MORN1: variants seen among roughly 807,000 people sequenced by gnomAD.
The protein encoded by MORN1 is MORN repeat containing 1.
Under a neutral mutation model 61.9 loss-of-function variants are expected in MORN1, and 67 were observed. That is an observed-to-expected ratio of 1.08 (90% CI 0.89 to 1.33). The LOEUF (loss-of-function observed/expected upper bound fraction) is 1.33, where lower values mean the gene tolerates loss of function less well. Among genes scored for constraint, MORN1 ranks in the 40% most tolerant of loss-of-function variants. The pLI is 0.00. For missense variants in MORN1, 752 were observed against 691.2 expected (o/e 1.09, Z -0.99); for synonymous variants, 301 against 292.0 (o/e 1.03, Z -0.31).
intron 6 of MORN1, chr1:2,378,755 T>C: frequency 2.8e-6 from 1 of 361,028 alleles, no homozygotes; most frequent in South Asian, 2.1e-5. Flanking sequence ...CTGGAGGACG[T>C]GTGGGGCCTG....
Position 2,387,529 on chromosome 1 carries a change from C to A in MORN1, c.248G>T (p.Gly83Val), listed in dbSNP as rs1427474760. Residue 83 changes from glycine (G) to valine (V), a missense_variant and splice_region_variant, in exon 4 of 14, where the codon GGA (glycine) becomes GTA (valine). By Grantham distance (109) the Gly-to-Val change is moderately radical. Coordinates refer to ENST00000378531, the MANE Select transcript of MORN1 (RefSeq NM_024848.3). ...AACAAACTGTCCAGAGAAGGTGTCT[C>A]CTGCATGTGGACAAGGAGGAGGGGA... ...GEGRRHWAWS[G>V]DTFSGQFVLG... is the part of the protein sequence containing the mutation. 1.2e-6 allele frequency: 2 copies of A among 1,608,094 alleles called. No homozygotes were observed. The highest frequency in any genetic ancestry group is 3.3e-5 in the Admixed American group (2 of 60,010).
chr1:2,330,524 C>A (rs990512997), intron 12 of MORN1, among the ~76,000 whole-genome samples: 1 of 152,150 alleles, frequency 6.6e-6, no homozygotes, highest in Non-Finnish European at 1.5e-5. Context: ...GGCGACAGAG[C>A]CAGGAAGGGG....
intron 8 of MORN1, among the ~76,000 whole-genome samples, chr1:2,370,432 A>G (rs1642090129): frequency 6.6e-6 from 1 of 152,204 alleles, no homozygotes; most frequent in African/African-American, 2.4e-5. Context: ...GGGTTAGGCA[A>G]AGAATTCTTA....
intron 1 of MORN1, 66 bp downstream of exon 1, chr1:2,391,392 G>C: frequency 8.0e-7 from 1 of 1,247,474 alleles, no homozygotes; most frequent in Non-Finnish European, 1.0e-6. Flanking sequence ...CGAGGGCGTA[G>C]AGCGATCGCA....
At chr1:2,336,606 G>C (rs1450277562) in intron 11 of MORN1, 58 bp from the exon 12 acceptor site, 2 of 1,601,576 alleles carry the variant, frequency 1.2e-6, no homozygotes, top group African/African-American at 2.7e-5. Flanking sequence ...GGGCCTAGGA[G>C]CTCTGCTCCA....
intron 12 of MORN1, chr1:2,332,757 G>A (rs1230966773): frequency 2.2e-6 from 1 of 456,450 alleles, no homozygotes; most frequent in Non-Finnish European, 4.4e-6. Context: ...TGGGATCCTG[G>A]GAGGGGTGAA....
chr1:2,380,068 G>T (rs1642336645), intron 6 of MORN1, among the ~76,000 whole-genome samples: 1 of 152,208 alleles, frequency 6.6e-6, no homozygotes, highest in Admixed American at 6.5e-5. Flanking sequence ...CCTTAGCAAG[G>T]AAGGAGGAGC....
chr1:2,324,000 G>C, intron 13 of MORN1, 97 bp downstream of exon 13: 1 of 1,475,690 alleles, frequency 6.8e-7, no homozygotes, highest in South Asian at 1.3e-5. Context: ...GGGGCCCCGG[G>C]CCGAGTTCCC....
rs1416542562 is a variant in MORN1, at chr1:2,357,445, A to T, written c.1023T>A (p.Pro341=). The T allele has an allele frequency of 3.7e-6, 6 of 1,606,028 alleles. No individual in the cohort carries two copies. In the Admixed American group the frequency reaches 1.0e-4, roughly 27 times the overall value. ...LGALHGQEDT[P]GGLLARGHAP... is the part of the protein sequence containing the mutation. ...AGCTCCACTTACCAAGCAGGCCACC[A>T]GGGGTGTCCTCCTGGCCATGGAGGG... The change falls in exon 10 of 14, where the codon CCT becomes CCA. Residue 341 remains proline, a synonymous_variant. Transcript: ENST00000378531. This position sits in a 1 kb window ranked among gnomAD's most constrained non-coding sequence, Gnocchi z 6.3.
chr1:2,328,041 GC>G (rs1202672578), intron 12 of MORN1, among the ~76,000 whole-genome samples: 2 of 152,258 alleles, frequency 1.3e-5, no homozygotes, highest in African/African-American at 4.8e-5. Flanking sequence ...CATCAGAGAG[GC>G]CTTGGCCGAG....
At chr1:2,371,865 A>T in intron 8 of MORN1, 1 of 172,814 alleles carries the variant, frequency 5.8e-6, no homozygotes, top group South Asian at 1.0e-4. Flanking sequence ...CCGACATTGC[A>T]CCACTGCACT....
At chr1:2,342,876 ATTTTATTTTATTTTAT>A (rs1641430573) in intron 10 of MORN1, among the ~76,000 whole-genome samples, 3 of 91,468 alleles carry the variant, frequency 3.3e-5, no homozygotes, top group African/African-American at 1.1e-4. Flanking sequence ...TATTTATTTT[ATTTTATTTTATTTTAT>A]TTTATTTTAT....
At position 2,337,198 on chromosome 1, in the gene MORN1, C is replaced by T. The variant is rs1194422440; in HGVS notation, c.1037-348G>A. 6.6e-6 allele frequency among the ~76,000 whole-genome samples: 1 copy of T among 152,210 alleles called. No homozygotes were observed. The highest frequency in any genetic ancestry group is 6.5e-5 in the Admixed American group (1 of 15,290). On this transcript the variant is annotated intron_variant, in intron 10 of 13. Transcript: ENST00000378531. This position sits in a 1 kb window ranked among gnomAD's most constrained non-coding sequence, Gnocchi z 5.7. ...ACTCGCTTCCAGGGTAGGGCCGGGA[C>T]CGGGGCCCTGGCCGGAGAGGCTGGC...
chr1:2,329,965 A>AGGGAGCTCCGGGTGAGGG (rs1262322250), intron 12 of MORN1, among the ~76,000 whole-genome samples: 3 of 152,046 alleles, frequency 2.0e-5, no homozygotes, highest in East Asian at 3.9e-4. Flanking sequence ...AGAGGACTAG[A>AGGGAGCTCCGGGTGAGGG]GGGAGCTCCG....
intron 2 of MORN1, among the ~76,000 whole-genome samples, chr1:2,388,806 A>C (rs1310747204): frequency 6.8e-6 from 1 of 146,712 alleles, no homozygotes; most frequent in Non-Finnish European, 1.5e-5. Flanking sequence ...AAAAAGAGAG[A>C]GAGAGAAGAA....
At chr1:2,360,818 G>C (rs1641876956) in intron 8 of MORN1, among the ~76,000 whole-genome samples, 1 of 152,226 alleles carries the variant, frequency 6.6e-6, no homozygotes, top group African/African-American at 2.4e-5. Flanking sequence ...GTTCTCCTCA[G>C]CCAGGCTGGA....
Position 2,334,332 on chromosome 1 carries a change from AG to A in MORN1, c.1250+2136del, listed in dbSNP as rs1006116716. The stretch of plus-strand genomic sequence containing the variant: ...CATGGAGGACGAGAGGCACAGGCCC[AG>A]GTTTGTCTCTAAGTCGCTGCCGCCC... On this transcript the variant is annotated intron_variant, in intron 12 of 13. Transcript: ENST00000378531. This position sits in a 1 kb window ranked among gnomAD's most constrained non-coding sequence, Gnocchi z 5.4. Among the ~76,000 whole-genome samples the A allele has an allele frequency of 5.3e-5, 8 of 152,166 alleles. No homozygotes were observed. Among genetic ancestry groups the A allele is most frequent in the African/African-American group, 1.9e-4 (8 of 41,436 alleles).
chr1:2,385,026 C>T lies in MORN1; in HGVS notation c.489G>A (p.Arg163=), dbSNP rs1006777220. 1 of 1,599,884 alleles carries T rather than the reference C, an allele frequency of 6.3e-7. No individual in the cohort carries two copies. The highest frequency in any genetic ancestry group is 1.3e-5 in the African/African-American group (1 of 74,848). ...DKYDGDWVRD[R]RQGHGVLRCA... ...AGCGCAGCACCCCGTGTCCCTGACG[C>T]CGGTCCCGGACCCAGTCGCCGTCGT... Residue 163 remains arginine, a synonymous_variant, in exon 6 of 14, where the codon CGG becomes CGA. Coordinates refer to ENST00000378531, the MANE Select transcript of MORN1 (RefSeq NM_024848.3).
rs184142794 is a variant in MORN1 at position 2,343,091 on chromosome 1, G to T, written c.1037-6241C>A. On this transcript the variant is annotated intron_variant, in intron 10 of 13. Coordinates refer to ENST00000378531, the MANE Select transcript of MORN1 (RefSeq NM_024848.3). ...GCTTGACCCTAAGCCTCCATCTCCAGTAGCCTCCATCCTTCCTGAACGTTC... is the reference window on the plus strand; with the variant it reads ...GCTTGACCCTAAGCCTCCATCTCCATTAGCCTCCATCCTTCCTGAACGTTC... Among the ~76,000 whole-genome samples the T allele has an allele frequency of 7.2e-5, 11 of 152,138 alleles. No individual in the cohort carries two copies. In the East Asian group the frequency reaches 2.1e-3, roughly 29 times the overall value.
Sources: allele counts gnomAD v4.1 joint callset (sites outside exome capture counted in the v4.1 genomes callset), GRCh38; gene constraint gnomAD v4.1.1; non-coding constraint Gnocchi (gnomAD v3.1); transcripts MANE v1.5; gene names NCBI Gene and HGNC (gene_info 2026-07-23, HGNC 2026-07-21).